Variants in LRRK1 observed in about 807,000 individuals in gnomAD.
The protein encoded by LRRK1 is leucine-rich repeat serine/threonine-protein kinase 1.
Under a neutral mutation model 209.1 loss-of-function variants are expected in LRRK1, and 113 were observed. That is an observed-to-expected ratio of 0.54 (90% confidence interval 0.46 to 0.63). LRRK1 has a LOEUF of 0.63. Among genes scored for constraint, LRRK1 ranks in the 30% least tolerant of loss-of-function variants. LRRK1 has a pLI of 0.00. For synonymous variants in LRRK1, 1,144 were observed against 1,099.7 expected, an observed-to-expected ratio of 1.04 and a Z score of -0.80; for missense variants, 2,284 against 2,632.2, an observed-to-expected ratio of 0.87 and a Z score of 2.89.
At chr15:101,011,026 C>T (rs912758235) in intron 9 of LRRK1, among the ~76,000 whole-genome samples, 189 bp downstream of exon 9, 1 of 152,160 alleles carries the variant, frequency 6.6e-6, no homozygotes, top group African/African-American at 2.4e-5. Flanking sequence ...AGATGACTCA[C>T]CTGAAAGCCA....
intron 11 of LRRK1, among the ~76,000 whole-genome samples, chr15:101,014,861 G>A (rs539547540): frequency 6.6e-6 from 1 of 152,338 alleles, no homozygotes; most frequent in African/African-American, 2.4e-5. Flanking sequence ...ACAGGAATGT[G>A]GGGGGAAACA....
rs202044372 is a variant in LRRK1 at position 101,068,782 on chromosome 15, C to T, written c.5982C>T (p.Phe1994=). The T allele has an allele frequency of 3.7e-5, 60 of 1,613,518 alleles. No individual in the cohort carries two copies. The African/African-American group carries it at 4.9e-4, about 13-fold the overall frequency. Reference sequence around the variant, plus strand: ...GGAGGGGCTGGGGCGCCAGGGAGTTCGACATTTTCTACCAGTCCTACGAGG... The same window carrying T: ...GGAGGGGCTGGGGCGCCAGGGAGTTTGACATTTTCTACCAGTCCTACGAGG... ...AVWRGWGARE[F]DIFYQSYEEL... Residue 1994 remains phenylalanine, a synonymous_variant, in exon 34 of 34, where the codon TTC becomes TTT. Coordinates refer to ENST00000388948, the MANE Select transcript of LRRK1 (RefSeq NM_024652.6).
At chr15:100,978,484 C>G (rs2031420220) in intron 3 of LRRK1, among the ~76,000 whole-genome samples, 1 of 152,060 alleles carries the variant, frequency 6.6e-6, no homozygotes, top group Non-Finnish European at 1.5e-5. Context: ...AAAATAAAAC[C>G]TTGGAAGTAG....
At chr15:100,950,188 T>A (rs2141620901) in intron 2 of LRRK1, among the ~76,000 whole-genome samples, 1 of 152,158 alleles carries the variant, frequency 6.6e-6, no homozygotes, top group East Asian at 1.9e-4. Flanking sequence ...TCAATTGTGG[T>A]TGTATGAATT....
chr15:101,038,726 A>G (rs752809026), intron 20 of LRRK1, among the ~76,000 whole-genome samples: 3 of 152,118 alleles, frequency 2.0e-5, no homozygotes, highest in Non-Finnish European at 4.4e-5. Flanking sequence ...ACGTGTGATT[A>G]TCTACTCACT....
At chr15:100,961,649 C>A (rs1423792806) in intron 2 of LRRK1, among the ~76,000 whole-genome samples, 26 of 142,794 alleles carry the variant, frequency 1.8e-4, no homozygotes, top group East Asian at 4.1e-4. Flanking sequence ...GAGACTCCGT[C>A]AAAAAAAAAA....
At chr15:100,927,195 G>A (rs10902585) in intron 2 of LRRK1, among the ~76,000 whole-genome samples, 87,811 of 151,988 alleles carry the variant, frequency 0.58, 26,601 homozygotes, top group African/African-American at 0.78. Flanking sequence ...GGGATCCCCC[G>A]TTGATTCTTA....
In LRRK1 at chr15:101,022,665, C is replaced by T; in HGVS notation, c.2067+68C>T. Reference sequence around the variant, plus strand: ...ACATCCCTTGGACTCCTTCTCCCTTCTCCCCAGAGAGCCCAGGATTTTCTC... The same window carrying T: ...ACATCCCTTGGACTCCTTCTCCCTTTTCCCCAGAGAGCCCAGGATTTTCTC... On this transcript the variant is annotated intron_variant, in intron 15 of 33. Coordinates refer to ENST00000388948, the MANE Select transcript of LRRK1 (RefSeq NM_024652.6). The surrounding 1 kb of genome is among the most constrained non-coding windows in gnomAD (Gnocchi z 4.0). 8.7e-7 allele frequency: 1 copy of T among 1,151,834 alleles called. No individual in the cohort carries two copies. The highest frequency in any genetic ancestry group is 1.2e-6 in the Non-Finnish European group (1 of 815,604). The allele number at this position is 1,151,834 out of a possible 1,614,324, so 71.4% of individuals were successfully genotyped here. A position where few individuals can be genotyped will look rare whatever the true frequency, so the allele number is the denominator to read the frequency against.
chr15:101,059,132 G>T (rs2036001753), intron 29 of LRRK1, among the ~76,000 whole-genome samples: 1 of 152,194 alleles, frequency 6.6e-6, no homozygotes, highest in South Asian at 2.1e-4. Context: ...GCTCATGCCT[G>T]TAACCCCAGC....
chr15:101,008,012 C>T (rs1246185882), intron 6 of LRRK1, among the ~76,000 whole-genome samples: 3 of 151,732 alleles, frequency 2.0e-5, no homozygotes, highest in African/African-American at 4.8e-5. Flanking sequence ...CAAAAATTAG[C>T]CGTGAGTGGT....
At chr15:101,029,253 G>A (rs376751401) in intron 20 of LRRK1, 21 bp downstream of exon 20, 22 of 1,590,460 alleles carry the variant, frequency 1.4e-5, no homozygotes, top group Middle Eastern at 1.7e-4. Context: ...AACTTAACAC[G>A]CCAGGCTGTG....
intron 20 of LRRK1, among the ~76,000 whole-genome samples, chr15:101,033,771 T>C (rs923654825): frequency 6.6e-6 from 1 of 152,212 alleles, no homozygotes; most frequent in African/African-American, 2.4e-5. Flanking sequence ...TTTTCCTTTG[T>C]ATAAATACCC....
chr15:100,933,031 T>C (rs2042238006), intron 2 of LRRK1, among the ~76,000 whole-genome samples: 1 of 152,210 alleles, frequency 6.6e-6, no homozygotes, highest in African/African-American at 2.4e-5. Context: ...CCAGGACTCT[T>C]ACTTTGCACC....
At chr15:100,921,839 T>A (rs1422206177) in intron 1 of LRRK1, among the ~76,000 whole-genome samples, 1 of 152,174 alleles carries the variant, frequency 6.6e-6, no homozygotes, top group Non-Finnish European at 1.5e-5. Context: ...TGCCTCGGCC[T>A]CCCAAGTAGC....
intron 4 of LRRK1, among the ~76,000 whole-genome samples, chr15:100,986,512 G>C (rs1488533557): frequency 6.6e-6 from 1 of 152,242 alleles, no homozygotes; most frequent in East Asian, 1.9e-4. Flanking sequence ...GTGTCCCACA[G>C]ACCCTGGCTG....
At chr15:101,063,828 G>A (rs963332339) in intron 31 of LRRK1, among the ~76,000 whole-genome samples, 2 of 150,192 alleles carry the variant, frequency 1.3e-5, no homozygotes, top group Non-Finnish European at 3.0e-5. Context: ...AAAAAAACAG[G>A]TATGAAATGA....
chr15:101,055,704 T>C (rs1273355151), intron 27 of LRRK1, among the ~76,000 whole-genome samples: 1 of 152,178 alleles, frequency 6.6e-6, no homozygotes, highest in African/African-American at 2.4e-5. Flanking sequence ...CAAGCTGGCA[T>C]CCCCTGGCAA....
At chr15:100,989,837 GT>G (rs1435036285) in intron 6 of LRRK1, among the ~76,000 whole-genome samples, 3 of 151,522 alleles carry the variant, frequency 2.0e-5, no homozygotes, top group Non-Finnish European at 4.4e-5. Flanking sequence ...CAGAGTTTTT[GT>G]TTTTGTTTCT....
At chr15:101,041,103 T>C (rs992759429) in intron 20 of LRRK1, among the ~76,000 whole-genome samples, 1 of 152,270 alleles carries the variant, frequency 6.6e-6, no homozygotes, top group Non-Finnish European at 1.5e-5. Flanking sequence ...ATTGGTGTCA[T>C]GCCTGTGTAA....
Sources: gnomAD v4.1 joint callset for allele counts (sites outside exome capture counted in the v4.1 genomes callset) on GRCh38, gnomAD v4.1.1 for gene constraint, Gnocchi (gnomAD v3.1) non-coding constraint, MANE v1.5 for transcripts, NCBI Gene and HGNC (gene_info 2026-07-23, HGNC 2026-07-21) for gene names.